The following GTF2IRD1 variants were observed in gnomAD, a reference collection of about 807,000 sequenced individuals.
GTF2IRD1 encodes the protein general transcription factor II-I repeat domain-containing protein 1.
Under a neutral mutation model 113.2 loss-of-function variants are expected in GTF2IRD1, and 26 were observed. That is an observed-to-expected ratio of 0.23 (90% CI 0.17 to 0.32). The LOEUF (loss-of-function observed/expected upper bound fraction) is 0.32, where lower values mean the gene tolerates loss of function less well. GTF2IRD1 is among the 10% of genes least tolerant of loss of function. The pLI, the probability that GTF2IRD1 is intolerant of heterozygous loss-of-function variation, is 1.00. For synonymous variants in GTF2IRD1, 484 were observed against 529.1 expected (o/e 0.91, Z 1.17); for missense variants, 864 against 1,280.8 (o/e 0.67, Z 4.97).
chr7:74,520,888 A>T (rs868927310), intron 6 of GTF2IRD1, among the ~76,000 whole-genome samples: 1 of 123,600 alleles, frequency 8.1e-6, no homozygotes, highest in African/African-American at 2.9e-5. Flanking sequence ...TTATTATTAT[A>T]AGGGGGAAAA....
intron 1 of GTF2IRD1, among the ~76,000 whole-genome samples, chr7:74,470,820 T>C (rs1364176122): frequency 2.0e-5 from 3 of 152,022 alleles, no homozygotes; most frequent in East Asian, 1.9e-4. Flanking sequence ...GTTTTTTTTT[T>C]CGAGACGGAG....
chr7:74,508,131 C>T lies in GTF2IRD1; in HGVS notation c.51C>T (p.Pro17=), dbSNP rs376689249. ...ACGTCCCCACCAACGGCTGCGGACC[C>T]GACCGCTGGAACTCCGCGTTCACCC... ...RCDVPTNGCG[P]DRWNSAFTRK... The change falls in exon 2 of 27, where the codon CCC becomes CCT. Residue 17 remains proline (P), a synonymous_variant. Coordinates refer to ENST00000424337, the MANE Select transcript of GTF2IRD1 (RefSeq NM_005685.4). 8.7e-6 allele frequency: 14 copies of T among 1,611,560 alleles called. No homozygotes were observed. The highest frequency in any genetic ancestry group is 4.5e-5 in the East Asian group (2 of 44,886).
intron 1 of GTF2IRD1, among the ~76,000 whole-genome samples, chr7:74,469,098 A>T (rs994618057): frequency 7.1e-6 from 1 of 140,552 alleles, no homozygotes; most frequent in South Asian, 2.3e-4. Context: ...AAAAAAAAAA[A>T]TATGGAAGGT....
intron 17 of GTF2IRD1, among the ~76,000 whole-genome samples, chr7:74,553,536 G>T (rs1554355714): frequency 6.6e-6 from 1 of 151,920 alleles, no homozygotes; most frequent in African/African-American, 2.4e-5. Flanking sequence ...CGATGCCCCT[G>T]CCTCAGCCTC....
chr7:74,536,341 C>T (rs587675186), intron 11 of GTF2IRD1, 66 bp downstream of exon 11: 1 of 986,048 alleles, frequency 1.0e-6, no homozygotes, highest in South Asian at 1.3e-5. Flanking sequence ...GCAGTGTTAC[C>T]TGCAAGGGGG....
chr7:74,504,055 C>T (rs1796171025), intron 1 of GTF2IRD1, among the ~76,000 whole-genome samples: 1 of 152,128 alleles, frequency 6.6e-6, no homozygotes, highest in Non-Finnish European at 1.5e-5. Context: ...TAATGATGTC[C>T]AGCTACTTCC....
rs181474997 is a variant in GTF2IRD1 at position 74,535,002 on chromosome 7, G to C, written c.1275-111G>C. On this transcript the variant is annotated intron_variant, in intron 9 of 26. Coordinates refer to ENST00000424337, the MANE Select transcript of GTF2IRD1 (RefSeq NM_005685.4). ...GCCGGATGCCCAGGTCTGTAGCTGT[G>C]CATGTGTCACTCAGTGACCATCACC... 1.5e-4 allele frequency: 129 copies of C among 857,086 alleles called. 1 individual carries two copies. In the African/African-American group the frequency reaches 2.1e-3, roughly 14 times the overall value. The allele number at this position is 857,086 out of a possible 1,614,324, so 53.1% of individuals were successfully genotyped here. A position where few individuals can be genotyped will look rare whatever the true frequency, so the allele number is the denominator to read the frequency against.
At position 74,476,366 on chromosome 7, in the gene GTF2IRD1, C is replaced by CTTTTTTTTTTTTTTTTT. The variant is rs61151844; in HGVS notation, c.-7+22201_-7+22202insTTTTTTTTTTTTTTTTT. On this transcript the variant is annotated intron_variant, in intron 1 of 26. Coordinates refer to ENST00000424337, the MANE Select transcript of GTF2IRD1 (RefSeq NM_005685.4). ...CCCGCTTGGAAGCCTTCTGAACCTC[C>CTTTTTTTTTTTTTTTTT]TTTTTTTTTTTCTTTTGAGACGGAG... Among the ~76,000 whole-genome samples the CTTTTTTTTTTTTTTTTT allele has an allele frequency of 2.1e-4, 26 of 122,156 alleles. 1 individual carries two copies. The highest frequency in any genetic ancestry group is 3.6e-4 in the African/African-American group (11 of 30,510). 80.1% of individuals were successfully genotyped at this position (122,156 alleles called of 152,430 possible).
At chr7:74,481,814 A>T (rs754524753) in intron 1 of GTF2IRD1, among the ~76,000 whole-genome samples, 11 of 152,232 alleles carry the variant, frequency 7.2e-5, no homozygotes, top group Non-Finnish European at 1.6e-4. Flanking sequence ...AATTTATAGA[A>T]TTATAAGTCC....
chr7:74,532,844 A>G (rs1377736271), intron 9 of GTF2IRD1, among the ~76,000 whole-genome samples: 1 of 152,094 alleles, frequency 6.6e-6, no homozygotes, highest in African/African-American at 2.4e-5. Context: ...GGACATTGTC[A>G]GGTATGCAGG....
intron 1 of GTF2IRD1, among the ~76,000 whole-genome samples, chr7:74,474,616 C>T (rs1227292214): frequency 6.6e-6 from 1 of 152,180 alleles, no homozygotes; most frequent in East Asian, 1.9e-4. Context: ...TGACCTTGGG[C>T]GAGTTGCTCA....
At chr7:74,482,172 G>GT (rs1554334756) in intron 1 of GTF2IRD1, among the ~76,000 whole-genome samples, 3 of 146,370 alleles carry the variant, frequency 2.0e-5, no homozygotes, top group African/African-American at 5.0e-5. Context: ...TTGTTTGTTT[G>GT]TTTTTTTCTG....
chr7:74,594,458 A>G lies in GTF2IRD1; in HGVS notation c.2592-556A>G, dbSNP rs587647192. ...GGCACACATTTCTGATCACTTGGTCAGACAACATCCTCGCTTTATAGATGA... is the reference window on the plus strand; with the variant it reads ...GGCACACATTTCTGATCACTTGGTCGGACAACATCCTCGCTTTATAGATGA... On this transcript the variant is annotated intron_variant, in intron 24 of 26. Transcript: ENST00000424337. Among the ~76,000 whole-genome samples the G allele has an allele frequency of 8.3e-4, 127 of 152,294 alleles. 1 individual carries two copies. The highest frequency in any genetic ancestry group is 2.9e-3 in the African/African-American group (119 of 41,582).
At chr7:74,532,759 G>A (rs1798045641) in intron 9 of GTF2IRD1, among the ~76,000 whole-genome samples, 1 of 152,166 alleles carries the variant, frequency 6.6e-6, no homozygotes, top group Non-Finnish European at 1.5e-5. Flanking sequence ...GTCACCGTCA[G>A]CCTTGCACCC....
At chr7:74,508,585 G>A (rs567945558) in intron 2 of GTF2IRD1, among the ~76,000 whole-genome samples, 3 of 150,690 alleles carry the variant, frequency 2.0e-5, no homozygotes, top group South Asian at 4.2e-4. Context: ...CAGCTACTTG[G>A]GAGGCTGAGG....
At chr7:74,455,076 C>T (rs1328749684) in intron 1 of GTF2IRD1, among the ~76,000 whole-genome samples, 1 of 152,166 alleles carries the variant, frequency 6.6e-6, no homozygotes, top group African/African-American at 2.4e-5. Flanking sequence ...CTGGAGGGGG[C>T]TGGAGCTCTG....
chr7:74,471,085 G>A (rs899868497), intron 1 of GTF2IRD1, among the ~76,000 whole-genome samples: 4 of 152,166 alleles, frequency 2.6e-5, no homozygotes, highest in South Asian at 2.1e-4. Flanking sequence ...GATTACAGGC[G>A]TGAGCCACCG....
intron 24 of GTF2IRD1, 21 bp downstream of exon 24, chr7:74,591,038 A>G (rs1554369442): frequency 1.9e-6 from 3 of 1,579,634 alleles, no homozygotes; most frequent in South Asian, 1.1e-5. Flanking sequence ...GGCCTCTGGA[A>G]CGGGGAACAG....
At chr7:74,581,147 G>T (rs1287335829) in intron 22 of GTF2IRD1, among the ~76,000 whole-genome samples, 1 of 151,948 alleles carries the variant, frequency 6.6e-6, no homozygotes, top group Non-Finnish European at 1.5e-5. Flanking sequence ...AGCCTCCCAA[G>T]TAGCTGGGAT....
Sources: allele counts gnomAD v4.1 joint callset (sites outside exome capture counted in the v4.1 genomes callset), GRCh38; gene constraint gnomAD v4.1.1; transcripts MANE v1.5; gene names NCBI Gene and HGNC (gene_info 2026-07-23, HGNC 2026-07-21).